The following HNRNPLL variants were observed in gnomAD, a reference collection of about 807,000 sequenced individuals.
HNRNPLL encodes the protein heterogeneous nuclear ribonucleoprotein L like, also known as heterogeneous nuclear ribonucleoprotein L-like.
HNRNPLL carries 25 observed loss-of-function variants against 67.1 expected under a neutral mutation model. The observed-to-expected ratio is 0.37, with a 90% confidence interval of 0.27 to 0.52. The LOEUF is 0.52. HNRNPLL is among the 20% of genes least tolerant of loss of function. HNRNPLL has a pLI of 0.90. For missense variants in HNRNPLL, 542 were observed against 673.9 expected (o/e 0.80, Z 2.17); for synonymous variants, 267 against 241.7 (o/e 1.10, Z -0.97).
In HNRNPLL at chr2:38,564,224, G is replaced by C. The variant is rs1251816722; in HGVS notation, c.1587C>G (p.Pro529=). 1.9e-6 allele frequency: 3 copies of C among 1,558,170 alleles called. No homozygotes were observed. The highest frequency in any genetic ancestry group is 1.4e-5 in the African/African-American group (1 of 73,688). The stretch of plus-strand genomic sequence containing the variant: ...TAGAAAAGCAAAGCTTCAATGTATA[G>C]GGATTGGAACCATCTGTAAAAAGTA... ...YQIRVPNGSN[P]YTLKLCFSTS... Residue 529 remains proline (P), a synonymous_variant, in exon 13 of 13, where the codon CCC becomes CCG. Coordinates refer to ENST00000449105, the MANE Select transcript of HNRNPLL (RefSeq NM_138394.4).
intron 8 of HNRNPLL, among the ~76,000 whole-genome samples, chr2:38,571,987 T>C (rs1362431651): frequency 2.0e-5 from 3 of 152,144 alleles, no homozygotes. Context: ...ATTGTCTGCA[T>C]ATGTGAAAAA....
intron 7 of HNRNPLL, among the ~76,000 whole-genome samples, chr2:38,575,842 T>C (rs1666280797): frequency 6.6e-6 from 1 of 151,714 alleles, no homozygotes; most frequent in Non-Finnish European, 1.5e-5. Flanking sequence ...CATCTTTGCT[T>C]TTTCCCCTAT....
In HNRNPLL at chr2:38,573,438, G is replaced by A. The variant is rs768478532; in HGVS notation, c.875-11C>T. The A allele has an allele frequency of 1.9e-6, 3 of 1,555,386 alleles. No homozygotes were observed. The highest frequency in any genetic ancestry group is 2.6e-6 in the Non-Finnish European group (3 of 1,133,756). Reference sequence around the variant, plus strand: ...ATGGACCATGGGATCCTATAAAAATGATCAAAATAAATAAATTAGTTAACA... The same window carrying A: ...ATGGACCATGGGATCCTATAAAAATAATCAAAATAAATAAATTAGTTAACA... On this transcript the variant is annotated splice_polypyrimidine_tract_variant and intron_variant, in intron 7 of 12. Coordinates refer to ENST00000449105, the MANE Select transcript of HNRNPLL (RefSeq NM_138394.4).
chr2:38,567,991 A>T, intron 12 of HNRNPLL: 1 of 461,490 alleles, frequency 2.2e-6, no homozygotes, highest in Non-Finnish European at 3.8e-6. Flanking sequence ...TAAGATAATA[A>T]ATGTTTGCTG....
intron 8 of HNRNPLL, 98 bp from the exon 9 acceptor site, chr2:38,570,023 A>C: frequency 1.3e-6 from 1 of 769,648 alleles, no homozygotes; most frequent in Non-Finnish European, 2.1e-6. Context: ...AAAGTAAAAT[A>C]CGGAAGATCA....
intron 2 of HNRNPLL, among the ~76,000 whole-genome samples, chr2:38,587,971 C>G (rs1043034358): frequency 6.6e-6 from 1 of 152,010 alleles, no homozygotes; most frequent in Non-Finnish European, 1.5e-5. Flanking sequence ...GCTCTCTCTC[C>G]TCTCTTTTTT....
At chr2:38,593,831 C>T (rs962880369) in intron 1 of HNRNPLL, among the ~76,000 whole-genome samples, 4 of 150,892 alleles carry the variant, frequency 2.7e-5, no homozygotes, top group African/African-American at 9.8e-5. Context: ...CCACTGCACT[C>T]CAGACTGGGC....
chr2:38,596,384 G>C (rs905580275), intron 1 of HNRNPLL, among the ~76,000 whole-genome samples: 6 of 151,744 alleles, frequency 4.0e-5, no homozygotes, highest in Admixed American at 3.3e-4. Context: ...TCAGCCTCCC[G>C]ACTAGCTGGG....
intron 2 of HNRNPLL, 53 bp downstream of exon 2, chr2:38,591,477 A>C: frequency 2.1e-6 from 2 of 936,194 alleles, no homozygotes; most frequent in South Asian, 2.6e-5. Flanking sequence ...ACAAGCAAGC[A>C]AGGATTATTC....
chr2:38,568,055 A>G, intron 12 of HNRNPLL, 144 bp downstream of exon 12: 1 of 589,068 alleles, frequency 1.7e-6, no homozygotes, highest in Non-Finnish European at 3.0e-6. Flanking sequence ...GATAACTAAT[A>G]CAGGAATTAA....
chr2:38,602,348 C>A (rs1667476747), intron 1 of HNRNPLL, 90 bp downstream of exon 1: 3 of 1,289,536 alleles, frequency 2.3e-6, no homozygotes, highest in Admixed American at 4.6e-5. Context: ...GCGGAAAAGG[C>A]TAACTGAAGC....
intron 12 of HNRNPLL, among the ~76,000 whole-genome samples, chr2:38,565,725 C>A (rs10202548): frequency 3.3e-5 from 2 of 60,968 alleles, no homozygotes; most frequent in Admixed American, 2.9e-4. Context: ...AAGACCCTGT[C>A]TCAAAAAAAA....
intron 12 of HNRNPLL, 60 bp downstream of exon 12, chr2:38,568,139 T>A (rs1310072152): frequency 1.4e-5 from 14 of 993,088 alleles, no homozygotes; most frequent in Non-Finnish European, 2.0e-5. Flanking sequence ...TTACCATGAA[T>A]GTTTCTGTGA....
chr2:38,592,249 C>T (rs1666989915), intron 1 of HNRNPLL, among the ~76,000 whole-genome samples: 3 of 152,066 alleles, frequency 2.0e-5, no homozygotes, highest in Admixed American at 2.0e-4. Context: ...ATAGGGCATG[C>T]TACAACTGGA....
intron 3 of HNRNPLL, 91 bp downstream of exon 3, chr2:38,585,553 C>A: frequency 1.3e-6 from 1 of 750,178 alleles, no homozygotes; most frequent in Non-Finnish European, 2.3e-6. Flanking sequence ...TTTCTAGTAT[C>A]TAGATGGCAA....
intron 6 of HNRNPLL, 144 bp from the exon 7 acceptor site, chr2:38,577,676 C>A: frequency 1.6e-6 from 1 of 623,072 alleles, no homozygotes; most frequent in East Asian, 2.8e-5. Context: ...AACATCCATT[C>A]ATATCCAATT....
chr2:38,569,717 TTC>T (rs1475275773), intron 9 of HNRNPLL, 85 bp downstream of exon 9: 2 of 677,504 alleles, frequency 3.0e-6, no homozygotes, highest in African/African-American at 3.7e-5. Flanking sequence ...CATTAAAATA[TTC>T]TCAAGTTGAC....
chr2:38,579,986 T>C (rs1303049536), intron 6 of HNRNPLL, among the ~76,000 whole-genome samples: 1 of 152,198 alleles, frequency 6.6e-6, no homozygotes, highest in Non-Finnish European at 1.5e-5. Context: ...ATATACCTTA[T>C]ACATTTCTAA....
At chr2:38,577,826 T>C in intron 6 of HNRNPLL, 1 of 450,658 alleles carries the variant, frequency 2.2e-6, no homozygotes, top group Non-Finnish European at 4.4e-6. Flanking sequence ...AAAGTGAATG[T>C]ACACAATGCT....
Sources: gnomAD v4.1 joint callset for allele counts (sites outside exome capture counted in the v4.1 genomes callset) on GRCh38, gnomAD v4.1.1 for gene constraint, MANE v1.5 for transcripts, NCBI Gene and HGNC (gene_info 2026-07-23, HGNC 2026-07-21) for gene names.